MGAT4C: variants seen among roughly 807,000 people sequenced by gnomAD.
The protein encoded by MGAT4C is MGAT4 family member C.
A neutral mutation model predicts 40.1 loss-of-function variants in MGAT4C; 19 were observed. The observed-to-expected ratio is 0.47, with a 90% CI of 0.33 to 0.70. MGAT4C has a LOEUF of 0.70. Among genes scored for constraint, MGAT4C ranks in the 30% least tolerant of loss-of-function variants. The probability of loss-of-function intolerance (pLI) is 0.02; values close to 1 mark genes in which losing one functional copy is unlikely to be tolerated. For missense variants in MGAT4C, 491 were observed against 563.2 expected (o/e 0.87, Z 1.30); for synonymous variants, 181 against 187.1 (o/e 0.97, Z 0.27).
intron 1 of MGAT4C, among the ~76,000 whole-genome samples, chr12:86,220,055 G>C (rs1020929038): frequency 6.6e-6 from 1 of 152,140 alleles, no homozygotes; most frequent in African/African-American, 2.4e-5. Flanking sequence ...AAAAGGGACT[G>C]TAGCAAGTTC....
chr12:86,279,071 A>G (rs562799649), intron 4 of MGAT4C, among the ~76,000 whole-genome samples: 5 of 150,474 alleles, frequency 3.3e-5, no homozygotes, highest in South Asian at 2.1e-4. Context: ...TTTTGCCTCA[A>G]TGTTTATCAT....
At chr12:86,714,849 GAAAGAT>G (rs2136636884) in intron 2 of MGAT4C, among the ~76,000 whole-genome samples, 1 of 151,798 alleles carries the variant, frequency 6.6e-6, no homozygotes, top group East Asian at 1.9e-4. Flanking sequence ...AAGGGTAGAA[GAAAGAT>G]GTAACGAGAA....
chr12:86,144,177 A>G (rs1883215380), intron 1 of MGAT4C, among the ~76,000 whole-genome samples: 1 of 152,216 alleles, frequency 6.6e-6, no homozygotes, highest in Non-Finnish European at 1.5e-5. Context: ...ATAAGCCTAC[A>G]TATAGTTCGT....
chr12:86,615,192 T>G (rs1382988870), intron 2 of MGAT4C, among the ~76,000 whole-genome samples: 1 of 151,970 alleles, frequency 6.6e-6, no homozygotes, highest in African/African-American at 2.4e-5. Context: ...GGCAATATAC[T>G]GAAAAGGATA....
At chr12:86,244,403 C>T (rs933221366) in intron 1 of MGAT4C, among the ~76,000 whole-genome samples, 1 of 152,182 alleles carries the variant, frequency 6.6e-6, no homozygotes, top group African/African-American at 2.4e-5. Context: ...TTATCTCTCA[C>T]CTCAGACCTT....
At chr12:86,755,165 C>G (rs1951281872) in intron 1 of MGAT4C, among the ~76,000 whole-genome samples, 1 of 152,174 alleles carries the variant, frequency 6.6e-6, no homozygotes, top group Admixed American at 6.6e-5. Flanking sequence ...CATGCAATCA[C>G]TGAAAGCCTG....
chr12:86,141,940 G>A (rs1882893654), intron 1 of MGAT4C, among the ~76,000 whole-genome samples: 1 of 152,058 alleles, frequency 6.6e-6, no homozygotes, highest in African/African-American at 2.4e-5. Flanking sequence ...CTTGATGTCA[G>A]CATTTTCTAC....
chr12:86,075,003 C>T (rs1018124902), intron 1 of MGAT4C, among the ~76,000 whole-genome samples: 9 of 152,202 alleles, frequency 5.9e-5, no homozygotes, highest in Admixed American at 2.0e-4. Flanking sequence ...AATCTCATGT[C>T]CTCACATTTC....
intron 1 of MGAT4C, among the ~76,000 whole-genome samples, chr12:86,822,508 T>C (rs4611273): frequency 0.17 from 25,106 of 150,796 alleles, 2,208 homozygotes; most frequent in Middle Eastern, 0.31. Flanking sequence ...AGATACTCCA[T>C]GCAAATGGGA....
chr12:86,072,543 A>T (rs572703197), intron 1 of MGAT4C, among the ~76,000 whole-genome samples: 1 of 152,190 alleles, frequency 6.6e-6, no homozygotes, highest in African/African-American at 2.4e-5. Context: ...AGTCAAACAG[A>T]TGCATTTTTT....
chr12:86,199,443 ATTTTT>A, intron 1 of MGAT4C, among the ~76,000 whole-genome samples: 1 of 152,180 alleles, frequency 6.6e-6, no homozygotes, highest in East Asian at 1.9e-4. Flanking sequence ...AGTCCATTGT[ATTTTT>A]TTAAGTTTTA....
intron 1 of MGAT4C, among the ~76,000 whole-genome samples, chr12:86,190,848 T>C (rs1458780474): frequency 6.6e-6 from 1 of 152,050 alleles, no homozygotes; most frequent in East Asian, 1.9e-4. Context: ...TAATCCTTAA[T>C]TTGCCTCATC....
chr12:86,262,975 G>A (rs1952691865), intron 4 of MGAT4C, among the ~76,000 whole-genome samples: 1 of 151,762 alleles, frequency 6.6e-6, no homozygotes, highest in Non-Finnish European at 1.5e-5. Flanking sequence ...TTGTTTAAAA[G>A]GTTTTATTTT....
chr12:86,172,991 C>A (rs545594110), intron 1 of MGAT4C, among the ~76,000 whole-genome samples: 3 of 152,074 alleles, frequency 2.0e-5, no homozygotes, highest in Admixed American at 6.5e-5. Flanking sequence ...GCATAGAGGG[C>A]CATGCAGATA....
At position 86,191,632 on chromosome 12, in the gene MGAT4C, A is replaced by AACACACACAC. The variant is rs61626246; in HGVS notation, c.-57+64597_-57+64606dup. 1.9e-3 allele frequency among the ~76,000 whole-genome samples: 226 copies of AACACACACAC among 121,994 alleles called. 2 individuals are homozygous for AACACACACAC. Among genetic ancestry groups the AACACACACAC allele is most frequent in the African/African-American group, 6.0e-3 (206 of 34,272 alleles). The allele number at this position is 121,994 out of a possible 152,430, so 80.0% of individuals were successfully genotyped here. Reference sequence around the variant, plus strand: ...ATCTATCCTGAAAAACAAAAAACAAAACACACACACACACACACACACACA... The same window carrying AACACACACAC: ...ATCTATCCTGAAAAACAAAAAACAAAACACACACACACACACACACACACACACACACACA... On this transcript the variant is annotated intron_variant, in intron 1 of 4. Transcript: ENST00000611864.
At chr12:86,244,700 T>C (rs1951948335) in intron 1 of MGAT4C, among the ~76,000 whole-genome samples, 2 of 152,078 alleles carry the variant, frequency 1.3e-5, no homozygotes, top group East Asian at 1.9e-4. Context: ...AAATGCTCTA[T>C]GAGCACAAAA....
intron 1 of MGAT4C, among the ~76,000 whole-genome samples, chr12:86,766,904 C>G (rs572773070): frequency 6.6e-6 from 1 of 151,878 alleles, no homozygotes; most frequent in East Asian, 1.9e-4. Flanking sequence ...TAAATGCCCA[C>G]AAGAGAAAGC....
chr12:86,698,493 T>G (rs1380411078), intron 2 of MGAT4C, among the ~76,000 whole-genome samples: 1 of 152,088 alleles, frequency 6.6e-6, no homozygotes, highest in African/African-American at 2.4e-5. Flanking sequence ...TCTCTAATGT[T>G]GGAGGGCAGG....
intron 2 of MGAT4C, among the ~76,000 whole-genome samples, chr12:86,552,609 T>G (rs77806967): frequency 4.6e-5 from 7 of 152,276 alleles, no homozygotes; most frequent in East Asian, 1.9e-4. Flanking sequence ...ATACATTATA[T>G]GTATCAAATA....
Sources: gnomAD v4.1 joint callset for allele counts (sites outside exome capture counted in the v4.1 genomes callset) on GRCh38, gnomAD v4.1.1 for gene constraint, MANE v1.5 for transcripts, NCBI Gene and HGNC (gene_info 2026-07-23, HGNC 2026-07-21) for gene names.